Variants in THADA observed in about 807,000 individuals in gnomAD.
THADA encodes tRNA (32-2'-O)-methyltransferase regulator THADA.
Under a neutral mutation model 219.8 loss-of-function variants are expected in THADA, and 213 were observed. That is an observed-to-expected ratio of 0.97 (90% CI 0.87 to 1.09). THADA has a LOEUF of 1.09. THADA is among the 50% of genes least tolerant of loss of function. The pLI is 0.00. For synonymous variants in THADA, 1,018 were observed against 828.9 expected, an observed-to-expected ratio of 1.23 and a Z score of -3.92; for missense variants, 2,956 against 2,311.3, an observed-to-expected ratio of 1.28 and a Z score of -5.72.
chr2:43,439,181 T>C (rs1342720970), intron 26 of THADA, among the ~76,000 whole-genome samples: 1 of 152,126 alleles, frequency 6.6e-6, no homozygotes, highest in East Asian at 1.9e-4. Context: ...GGTTCGAAAA[T>C]ATTAAACGGA....
At chr2:43,553,782 TATC>T (rs1230469774) in intron 17 of THADA, among the ~76,000 whole-genome samples, 4 of 152,204 alleles carry the variant, frequency 2.6e-5, no homozygotes, top group Admixed American at 2.6e-4. Flanking sequence ...CAATGCTTGT[TATC>T]ATCTCTTTTT....
chr2:43,397,866 A>C (rs1279229569), intron 29 of THADA, 105 bp downstream of exon 29: 8 of 1,227,358 alleles, frequency 6.5e-6, no homozygotes, highest in Non-Finnish European at 9.1e-6. Context: ...TCTACAGATA[A>C]AGTTAAGAGG....
At chr2:43,236,965 G>A (rs1668099988) in intron 36 of THADA, among the ~76,000 whole-genome samples, 3 of 151,148 alleles carry the variant, frequency 2.0e-5, no homozygotes, top group South Asian at 4.2e-4. Context: ...CCAGCTACTC[G>A]GGAGGCTGAG....
intron 19 of THADA, among the ~76,000 whole-genome samples, chr2:43,550,506 C>T (rs1455799320): frequency 6.6e-6 from 1 of 152,126 alleles, no homozygotes; most frequent in African/African-American, 2.4e-5. Context: ...TCAGGGGAGA[C>T]TTTCCTCATG....
intron 36 of THADA, among the ~76,000 whole-genome samples, chr2:43,260,381 G>C (rs535099146): frequency 6.6e-6 from 1 of 151,968 alleles, no homozygotes; most frequent in Non-Finnish European, 1.5e-5. Context: ...CAGAGTGCTC[G>C]GTTTTTATCT....
chr2:43,361,078 G>C (rs1379504555), intron 29 of THADA, among the ~76,000 whole-genome samples: 1 of 152,068 alleles, frequency 6.6e-6, no homozygotes, highest in African/African-American at 2.4e-5. Flanking sequence ...GGTGCTACCA[G>C]TAGACAGAGG....
rs183756034 is a variant in THADA at position 43,430,065 on chromosome 2, G to A, written c.3926+148C>T. The A allele has an allele frequency of 2.5e-4, 109 of 442,494 alleles. 2 individuals are homozygous for A. The East Asian group carries it at 3.8e-3, about 15-fold the overall frequency. 27.4% of individuals were successfully genotyped at this position (442,494 alleles called of 1,614,324 possible). A position where few individuals can be genotyped will look rare whatever the true frequency, so the allele number is the denominator to read the frequency against. ...CCACTGTACTCCAGCTTGGGTGACA[G>A]GGAAAGACCCTGTCTCAAGGAAAAA... On this transcript the variant is annotated intron_variant, in intron 27 of 37. Coordinates refer to ENST00000405975, the MANE Select transcript of THADA (RefSeq NM_022065.5).
intron 28 of THADA, among the ~76,000 whole-genome samples, chr2:43,400,478 A>ATATATATATATAT (rs10687373): frequency 0.015 from 1,761 of 116,664 alleles, 96 homozygotes; most frequent in African/African-American, 0.032. Context: ...TATATATATA[A>ATATATATATATAT]ATATATACAC....
chr2:43,349,494 A>C (rs544989542), intron 29 of THADA, among the ~76,000 whole-genome samples: 3 of 152,228 alleles, frequency 2.0e-5, no homozygotes, highest in Non-Finnish European at 4.4e-5. Flanking sequence ...TGCTGGACTA[A>C]AATAGCAACT....
chr2:43,498,402 C>T (rs1437524254), intron 25 of THADA, among the ~76,000 whole-genome samples: 1 of 152,006 alleles, frequency 6.6e-6, no homozygotes, highest in African/African-American at 2.4e-5. Flanking sequence ...ATATAACTGG[C>T]TATTTAAAGA....
intron 31 of THADA, among the ~76,000 whole-genome samples, chr2:43,309,482 T>C (rs1026048289): frequency 9.9e-5 from 15 of 152,242 alleles, no homozygotes; most frequent in African/African-American, 3.6e-4. Flanking sequence ...ATACACACAA[T>C]GGAATACTAC....
At chr2:43,526,187 T>G in intron 22 of THADA, among the ~76,000 whole-genome samples, 1 of 152,212 alleles carries the variant, frequency 6.6e-6, no homozygotes, top group East Asian at 1.9e-4. Context: ...TTGTACAATC[T>G]CATTGCCAAT....
chr2:43,513,673 G>C (rs185373631), intron 22 of THADA, among the ~76,000 whole-genome samples: 2 of 152,230 alleles, frequency 1.3e-5, no homozygotes, highest in East Asian at 3.9e-4. Context: ...CTCTGATAGA[G>C]AGGAAAGAGC....
chr2:43,322,617 T>C (rs910737253), intron 30 of THADA, among the ~76,000 whole-genome samples: 1 of 151,354 alleles, frequency 6.6e-6, no homozygotes, highest in Admixed American at 6.6e-5. Flanking sequence ...CCATATACTG[T>C]TCTCGAGGCA....
intron 36 of THADA, among the ~76,000 whole-genome samples, chr2:43,264,331 G>C (rs1307306568): frequency 1.3e-5 from 2 of 151,374 alleles, no homozygotes; most frequent in African/African-American, 4.9e-5. Flanking sequence ...TGTTGCCCGG[G>C]CTAAAGGGCA....
At chr2:43,327,987 A>T (rs1417906012) in intron 30 of THADA, among the ~76,000 whole-genome samples, 1 of 152,084 alleles carries the variant, frequency 6.6e-6, no homozygotes, top group Non-Finnish European at 1.5e-5. Context: ...GCCTCTCCTT[A>T]TATTTGGCTA....
At chr2:43,555,025 G>A (rs531651048) in intron 17 of THADA, among the ~76,000 whole-genome samples, 1 of 152,230 alleles carries the variant, frequency 6.6e-6, no homozygotes, top group South Asian at 2.1e-4. Flanking sequence ...CATTTCAGGT[G>A]TTGGATTACG....
At chr2:43,367,368 C>G (rs1057415271) in intron 29 of THADA, among the ~76,000 whole-genome samples, 1 of 152,056 alleles carries the variant, frequency 6.6e-6, no homozygotes, top group Non-Finnish European at 1.5e-5. Flanking sequence ...AAAAAATTCC[C>G]TACACTCAAG....
intron 36 of THADA, among the ~76,000 whole-genome samples, chr2:43,238,686 G>C (rs774566862): frequency 4.6e-5 from 7 of 152,160 alleles, no homozygotes; most frequent in Non-Finnish European, 7.3e-5. Flanking sequence ...TTGTTCATAA[G>C]AGCCAAGATG....
Sources: gnomAD v4.1 joint callset for allele counts (sites outside exome capture counted in the v4.1 genomes callset) on GRCh38, gnomAD v4.1.1 for gene constraint, MANE v1.5 for transcripts, NCBI Gene and HGNC (gene_info 2026-07-23, HGNC 2026-07-21) for gene names.